Variants in MYO16 observed in about 807,000 individuals in gnomAD.
The protein encoded by MYO16 is myosin XVI, also known as unconventional myosin-XVI.
In MYO16, 94 loss-of-function variants were observed where a neutral mutation model predicts 205.3. The ratio of observed to expected loss-of-function variants is 0.46; its 90% CI spans 0.39 to 0.54. The LOEUF (loss-of-function observed/expected upper bound fraction) is 0.54, where lower values mean the gene tolerates loss of function less well. Ranked by LOEUF, MYO16 falls within the 20% of genes least tolerant of loss-of-function variation. MYO16 has a pLI of 0.00. For synonymous variants in MYO16, 988 were observed against 954.0 expected, an observed-to-expected ratio of 1.04 and a Z score of -0.66; for missense variants, 2,315 against 2,387.5, an observed-to-expected ratio of 0.97 and a Z score of 0.63.
chr13:109,036,671 C>T (rs1886726396), intron 23 of MYO16, among the ~76,000 whole-genome samples: 1 of 152,134 alleles, frequency 6.6e-6, no homozygotes, highest in Admixed American at 6.5e-5. Flanking sequence ...ATTTTGAATA[C>T]ATGACAATTT....
Position 108,709,564 on chromosome 13 carries a change from T to A in MYO16, c.293-3097T>A, listed in dbSNP as rs1223419759. Reference sequence around the variant, plus strand: ...AGAGGTGTGGAGGGAATTAAAGTAATTCTTACACGTAAGGTACTCAGTACA... The same window carrying A: ...AGAGGTGTGGAGGGAATTAAAGTAAATCTTACACGTAAGGTACTCAGTACA... On this transcript the variant is annotated intron_variant, in intron 2 of 34. Coordinates refer to ENST00000457511, the MANE Select transcript of MYO16 (RefSeq NM_001198950.3). Among the ~76,000 whole-genome samples, 3 of 134,848 alleles carry A rather than the reference T, an allele frequency of 2.2e-5. 1 individual carries two copies. In the South Asian group the frequency reaches 8.4e-4, roughly 38 times the overall value. The allele number at this position is 134,848 out of a possible 152,430, so 88.5% of individuals were successfully genotyped here.
At chr13:108,634,726 C>T (rs1010649714) in intron 1 of MYO16, among the ~76,000 whole-genome samples, 1 of 152,172 alleles carries the variant, frequency 6.6e-6, no homozygotes, top group South Asian at 2.1e-4. Context: ...GTGATTACCA[C>T]GTCTTCTTCT....
intron 21 of MYO16, among the ~76,000 whole-genome samples, chr13:109,000,556 T>A (rs9514953): frequency 0.055 from 8,391 of 152,296 alleles, 306 homozygotes; most frequent in African/African-American, 0.094. Flanking sequence ...TTGGACTATA[T>A]GAATAATTTT....
intron 23 of MYO16, among the ~76,000 whole-genome samples, chr13:109,023,709 A>ATACATATATATGTATATATGTATATAT (rs571275985): frequency 0.34 from 41,935 of 123,086 alleles, 8,052 homozygotes; most frequent in East Asian, 0.64. Flanking sequence ...ATATGTATAT[A>ATACATATATATGTATATATGTATATAT]TACAAATATA....
At position 108,714,245 on chromosome 13, in the gene MYO16, T is replaced by C. The variant is rs377742858; in HGVS notation, c.363+1514T>C. On this transcript the variant is annotated intron_variant, in intron 3 of 34. Transcript: ENST00000457511. ...GAATTTTTTGTATTTTTAGTAGAGATGGGGTTTCACCATGTTCGCTAGGAT... is the reference window on the plus strand; with the variant it reads ...GAATTTTTTGTATTTTTAGTAGAGACGGGGTTTCACCATGTTCGCTAGGAT... Among the ~76,000 whole-genome samples, 96 of 152,200 alleles carry C rather than the reference T, an allele frequency of 6.3e-4. No individual in the cohort carries two copies. The South Asian group carries it at 0.016, about 25-fold the overall frequency.
chr13:108,625,249 C>T (rs577835726), upstream of MYO16, among the ~76,000 whole-genome samples: 4 of 152,078 alleles, frequency 2.6e-5, no homozygotes, highest in Non-Finnish European at 4.4e-5. Flanking sequence ...GTCCTGAATC[C>T]GAGAGCTAGT....
chr13:108,957,429 T>A (rs1883411096), intron 16 of MYO16, among the ~76,000 whole-genome samples: 1 of 150,814 alleles, frequency 6.6e-6, no homozygotes. Flanking sequence ...TGTGACCTTC[T>A]CCTGTCACAA....
chr13:108,975,846 T>G (rs910373643), intron 20 of MYO16, among the ~76,000 whole-genome samples: 1 of 152,170 alleles, frequency 6.6e-6, no homozygotes, highest in Non-Finnish European at 1.5e-5. Flanking sequence ...CACATTTAAG[T>G]GTTTTCTGCC....
chr13:108,632,243 G>A (rs190034433), intron 1 of MYO16, among the ~76,000 whole-genome samples: 39 of 152,132 alleles, frequency 2.6e-4, no homozygotes, highest in Admixed American at 1.0e-3. Context: ...ATCGGCCTTC[G>A]TCACACTCCA....
intron 23 of MYO16, among the ~76,000 whole-genome samples, chr13:109,023,670 A>AATATATGTATATATACATATATGT (rs1566468213): frequency 2.5e-4 from 16 of 64,886 alleles, no homozygotes; most frequent in South Asian, 1.3e-3. Flanking sequence ...TATATATGCA[A>AATATATGTATATATACATATATGT]ATATATGTAT....
chr13:108,739,895 G>A lies in MYO16; in HGVS notation c.507+12312G>A, dbSNP rs575190418. 4.0e-3 allele frequency among the ~76,000 whole-genome samples: 604 copies of A among 152,142 alleles called. 2 individuals carry two copies. Among genetic ancestry groups the A allele is most frequent in the Non-Finnish European group, 5.5e-3 (371 of 68,004 alleles). The stretch of plus-strand genomic sequence containing the variant: ...CTTCATTTCATTCATTTGATCTTCA[G>A]TCACTGATACCCTTTCTTCCAGTTG... On this transcript the variant is annotated intron_variant, in intron 4 of 34. Transcript: ENST00000457511.
intron 16 of MYO16, among the ~76,000 whole-genome samples, chr13:108,926,862 T>C (rs1227043299): frequency 6.6e-6 from 1 of 152,170 alleles, no homozygotes. Flanking sequence ...AAACAACATC[T>C]TTTAAAAAAA....
intron 16 of MYO16, among the ~76,000 whole-genome samples, chr13:108,934,637 A>C (rs1026038112): frequency 2.6e-5 from 4 of 151,888 alleles, no homozygotes; most frequent in African/African-American, 4.8e-5. Context: ...TTTTTGTTGC[A>C]GTTGCTTTTG....
At chr13:109,183,141 T>C in intron 34 of MYO16, among the ~76,000 whole-genome samples, 1 of 152,346 alleles carries the variant, frequency 6.6e-6, no homozygotes, top group East Asian at 1.9e-4. Context: ...TTTTATGAGA[T>C]TTTACTTTTT....
intron 16 of MYO16, among the ~76,000 whole-genome samples, chr13:108,948,443 AT>A (rs1883017423): frequency 6.6e-6 from 1 of 152,182 alleles, no homozygotes; most frequent in Non-Finnish European, 1.5e-5. Flanking sequence ...TGAACCTTCA[AT>A]CCCAGCATGC....
chr13:109,112,821 C>T (rs781157587), intron 28 of MYO16, among the ~76,000 whole-genome samples: 8 of 152,194 alleles, frequency 5.3e-5, no homozygotes, highest in Middle Eastern at 3.2e-3. Flanking sequence ...TTATTCAAAG[C>T]ATTTTTTAAA....
At chr13:108,636,350 TTTTTTTTTTTTTTTTTTTTTGTG>T (rs1460683246) in intron 1 of MYO16, among the ~76,000 whole-genome samples, 60 of 22,520 alleles carry the variant, frequency 2.7e-3, no homozygotes, top group African/African-American at 0.01. Flanking sequence ...ATTTCCCTTT[TTTTTTTTTTTTTTTTTTTTTGTG>T]TGTGTGTGTG....
At chr13:108,739,766 G>C (rs1049157106) in intron 4 of MYO16, among the ~76,000 whole-genome samples, 1 of 152,158 alleles carries the variant, frequency 6.6e-6, no homozygotes, top group Non-Finnish European at 1.5e-5. Context: ...ATCACTTTCA[G>C]GTACACCAGT....
At chr13:109,073,760 T>A (rs1363518838) in intron 27 of MYO16, among the ~76,000 whole-genome samples, 25 of 152,236 alleles carry the variant, frequency 1.6e-4, no homozygotes, top group Admixed American at 1.6e-3. Context: ...GTTAAATATA[T>A]TCATAACTGT....
Sources: allele counts gnomAD v4.1 joint callset (sites outside exome capture counted in the v4.1 genomes callset), GRCh38; gene constraint gnomAD v4.1.1; transcripts MANE v1.5; gene names NCBI Gene and HGNC (gene_info 2026-07-23, HGNC 2026-07-21).